Variants in MTCL1 observed in about 807,000 individuals in gnomAD.
The protein encoded by MTCL1 is microtubule cross-linking factor 1.
A neutral mutation model predicts 141.4 loss-of-function variants in MTCL1; 79 were observed. That is an observed-to-expected ratio of 0.56 (90% CI 0.47 to 0.67). The LOEUF (loss-of-function observed/expected upper bound fraction) is 0.67, where lower values mean the gene tolerates loss of function less well. Ranked by LOEUF, MTCL1 falls within the 30% of genes least tolerant of loss-of-function variation. MTCL1 has a pLI of 0.00. For synonymous variants in MTCL1, 914 were observed against 875.8 expected, an observed-to-expected ratio of 1.04 and a Z score of -0.77; for missense variants, 2,177 against 2,113.9, an observed-to-expected ratio of 1.03 and a Z score of -0.59.
intron 4 of MTCL1, among the ~76,000 whole-genome samples, chr18:8,731,804 G>T (rs1380574322): frequency 6.6e-6 from 1 of 152,010 alleles, no homozygotes; most frequent in Non-Finnish European, 1.5e-5. Context: ...TGCCTCCCAG[G>T]TTCAAGTGAT....
chr18:8,807,408 C>G (rs543607855), intron 11 of MTCL1, among the ~76,000 whole-genome samples: 1 of 152,366 alleles, frequency 6.6e-6, no homozygotes, highest in South Asian at 2.1e-4. Context: ...AAAGCAAAAG[C>G]AGACTGTGGT....
chr18:8,787,402 T>C (rs1278544088), intron 7 of MTCL1: 1 of 152,434 alleles, frequency 6.6e-6, no homozygotes, highest in African/African-American at 2.4e-5. Flanking sequence ...CTCCTCCTGG[T>C]TGGTGGCAGA....
At chr18:8,831,469 A>G (rs1415659040) in intron 16 of MTCL1, 138 bp from the exon 15 acceptor site, 23 of 1,445,314 alleles carry the variant, frequency 1.6e-5, no homozygotes, top group Middle Eastern at 1.8e-4. Context: ...ATGAGCATAG[A>G]AAGTAGTTAA....
exon 15 of MTCL1, chr18:8,825,528 A>G: frequency 6.2e-7 from 1 of 1,612,320 alleles, no homozygotes; most frequent in East Asian, 2.2e-5. Flanking sequence ...CAGCGGTGTC[A>G]CCAGCAGCCC....
rs148212855 is a variant in MTCL1 at position 8,825,997 on chromosome 18, C to T, written c.4487C>T (p.Pro1496Leu). 7.6e-5 allele frequency: 122 copies of T among 1,603,492 alleles called. No individual in the cohort carries two copies. The Middle Eastern group carries it at 1.2e-3, about 15-fold the overall frequency. The change falls in exon 15 of 17, where the codon CCC becomes CTC. Residue 1496 changes from proline (P) to leucine (L), a missense_variant. Pro to Leu is a moderately conservative substitution (Grantham distance 98). Transcript: ENST00000359865. Reference sequence around the variant, plus strand: ...AATTCCCGAGGAAGGTCGCCTAGCCCCATTGGGGTGGGGTCAGAGATGTGC... The same window carrying T: ...AATTCCCGAGGAAGGTCGCCTAGCCTCATTGGGGTGGGGTCAGAGATGTGC...
chr18:8,727,852 T>TTCTTTC (rs57928718), intron 4 of MTCL1, among the ~76,000 whole-genome samples: 50,450 of 135,126 alleles, frequency 0.37, 9,029 homozygotes, highest in Admixed American at 0.5. Flanking sequence ...TGCTTGCTCC[T>TTCTTTC]TCTCTCTCTC....
chr18:8,705,810 G>C lies in MTCL1; in HGVS notation c.150G>C (p.Lys50Asn). Residue 50 changes from lysine (K) to asparagine (N), a missense_variant, in exon 1 of 14, where the codon AAG (lysine) becomes AAC (asparagine). Transcript: ENST00000306329. This position sits in a 1 kb window ranked among gnomAD's most constrained non-coding sequence, Gnocchi z 5.2. ...CCTCGCCCGCCAGACCCTTCCTCAA[G>C]GACCTGCACGCCCGGCCCGCCGCGC... 8.4e-7 allele frequency: 1 copy of C among 1,189,070 alleles called. No homozygotes were observed. Among genetic ancestry groups the C allele is most frequent in the Non-Finnish European group, 1.0e-6 (1 of 959,904 alleles). The allele number at this position is 1,189,070 out of a possible 1,614,324, so 73.7% of individuals were successfully genotyped here.
At chr18:8,798,419 G>A in intron 10 of MTCL1, 128 bp downstream of exon 9, 1 of 714,720 alleles carries the variant, frequency 1.4e-6, no homozygotes, top group Non-Finnish European at 2.1e-6. Flanking sequence ...CCTGACTGCG[G>A]TCACCTGTTG....
At chr18:8,742,670 G>A (rs894163333) in intron 4 of MTCL1, among the ~76,000 whole-genome samples, 1 of 152,174 alleles carries the variant, frequency 6.6e-6, no homozygotes, top group African/African-American at 2.4e-5. Context: ...TGGGGACACA[G>A]CCAAACCACA....
intron 4 of MTCL1, among the ~76,000 whole-genome samples, chr18:8,776,562 A>G (rs886100208): frequency 6.6e-6 from 1 of 152,172 alleles, no homozygotes; most frequent in African/African-American, 2.4e-5. Context: ...TCACATGGGA[A>G]TAAGTTATGA....
intron 4 of MTCL1, among the ~76,000 whole-genome samples, chr18:8,736,565 G>C (rs932606369): frequency 1.3e-5 from 2 of 151,958 alleles, no homozygotes; most frequent in African/African-American, 4.8e-5. Flanking sequence ...TTTGAAGTCG[G>C]GTTTCTACCA....
intron 7 of MTCL1, 180 bp downstream of exon 6, chr18:8,786,271 G>T (rs756001437): frequency 9.2e-6 from 7 of 757,776 alleles, no homozygotes; most frequent in Non-Finnish European, 1.4e-5. Context: ...GCAGGTGTGC[G>T]CAGGTGCCTG....
At chr18:8,757,654 C>T (rs759604260) in intron 4 of MTCL1, among the ~76,000 whole-genome samples, 33 of 152,100 alleles carry the variant, frequency 2.2e-4, no homozygotes, top group Non-Finnish European at 8.8e-5. Context: ...TGCAGAAGCA[C>T]GTCTATGGCA....
chr18:8,723,424 A>T (rs946106622), intron 4 of MTCL1, among the ~76,000 whole-genome samples: 2 of 152,056 alleles, frequency 1.3e-5, no homozygotes, highest in Non-Finnish European at 2.9e-5. Context: ...TTGTAAATGG[A>T]TGTGTGACCT....
chr18:8,792,873 G>A, intron 7 of MTCL1, 125 bp from the exon 7 acceptor site: 1 of 1,344,188 alleles, frequency 7.4e-7, no homozygotes, highest in Non-Finnish European at 1.0e-6. Flanking sequence ...CTCCACTGCT[G>A]CAGTGCCCAC....
chr18:8,803,753 GTT>G (rs1316344554), intron 10 of MTCL1, among the ~76,000 whole-genome samples: 1 of 152,204 alleles, frequency 6.6e-6, no homozygotes, highest in Non-Finnish European at 1.5e-5. Flanking sequence ...ATAGAGCACT[GTT>G]TTGATTACTC....
At chr18:8,808,080 CAGTGATG>C (rs2076362266) in intron 11 of MTCL1, among the ~76,000 whole-genome samples, 2 of 151,872 alleles carry the variant, frequency 1.3e-5, no homozygotes, top group Non-Finnish European at 2.9e-5. Context: ...CCACAGCAAG[CAGTGATG>C]CTGAGCTGAT....
intron 1 of MTCL1, 139 bp downstream of exon 1, chr18:8,706,852 C>G: frequency 7.3e-7 from 1 of 1,373,802 alleles, no homozygotes. Context: ...CCCGCATTGT[C>G]AGGCATTGGC....
intron 4 of MTCL1, among the ~76,000 whole-genome samples, chr18:8,750,506 T>C (rs2096365459): frequency 6.6e-6 from 1 of 152,156 alleles, no homozygotes; most frequent in African/African-American, 2.4e-5. Flanking sequence ...CTCGGGCCAG[T>C]GCATTCTGCG....
Sources: allele counts gnomAD v4.1 joint callset (sites outside exome capture counted in the v4.1 genomes callset), GRCh38; gene constraint gnomAD v4.1.1; non-coding constraint Gnocchi (gnomAD v3.1); transcripts MANE v1.5; gene names NCBI Gene and HGNC (gene_info 2026-07-23, HGNC 2026-07-21).